RBPJ: variants seen among roughly 807,000 people sequenced by gnomAD.
The protein encoded by RBPJ is recombination signal binding protein for immunoglobulin kappa J region, also known as recombining binding protein suppressor of hairless.
A neutral mutation model predicts 67.8 loss-of-function variants in RBPJ; 9 were observed. The ratio of observed to expected loss-of-function variants is 0.13; its 90% CI spans 0.08 to 0.23. RBPJ has a LOEUF of 0.23. RBPJ is among the 10% of genes least tolerant of loss of function. The pLI, the probability that RBPJ is intolerant of heterozygous loss-of-function variation, is 1.00. For synonymous variants in RBPJ, 198 were observed against 203.3 expected (o/e 0.97, Z 0.22); for missense variants, 305 against 595.6 (o/e 0.51, Z 5.08).
At chr4:26,417,660 A>C (rs1390406018) in intron 4 of RBPJ, among the ~76,000 whole-genome samples, 2 of 152,184 alleles carry the variant, frequency 1.3e-5, no homozygotes, top group Non-Finnish European at 2.9e-5. Context: ...ATGTGCTTAG[A>C]GCATAAAGGT....
At chr4:26,249,779 CTT>C (rs572993839) in intron 1 of RBPJ, among the ~76,000 whole-genome samples, 3 of 143,212 alleles carry the variant, frequency 2.1e-5, no homozygotes, top group African/African-American at 7.7e-5. Context: ...AGAACTTTCT[CTT>C]TTTTTTTTTC....
At chr4:26,345,103 A>G (rs1725996295) in intron 1 of RBPJ, among the ~76,000 whole-genome samples, 1 of 152,234 alleles carries the variant, frequency 6.6e-6, no homozygotes, top group Non-Finnish European at 1.5e-5. Flanking sequence ...CACATTAAAA[A>G]TAACCATTTT....
chr4:26,162,741 T>C (rs1196860813), upstream of RBPJ, among the ~76,000 whole-genome samples: 1 of 152,228 alleles, frequency 6.6e-6, no homozygotes, highest in African/African-American at 2.4e-5. Context: ...CATCCCATGC[T>C]GCACAGTTCA....
At chr4:26,374,622 C>G (rs369697475) in intron 1 of RBPJ, among the ~76,000 whole-genome samples, 1 of 151,908 alleles carries the variant, frequency 6.6e-6, no homozygotes, top group African/African-American at 2.4e-5. Flanking sequence ...ACTACAGGTG[C>G]GCACCACCAT....
At chr4:26,200,551 G>T (rs1258028966) in intron 1 of RBPJ, among the ~76,000 whole-genome samples, 4 of 152,008 alleles carry the variant, frequency 2.6e-5, no homozygotes, top group African/African-American at 4.8e-5. Flanking sequence ...CATACCTGTG[G>T]TCCCAGCTAC....
the RBPJ span, among the ~76,000 whole-genome samples, chr4:26,148,995 C>G: frequency 6.6e-6 from 1 of 152,218 alleles, no homozygotes; most frequent in East Asian, 1.9e-4. Flanking sequence ...ATATATTTCT[C>G]TACTGGGAGT....
At position 26,214,821 on chromosome 4, in the gene RBPJ, A is replaced by G. The variant is rs1420013227; in HGVS notation, c.-167+51207A>G. 1.0e-3 allele frequency among the ~76,000 whole-genome samples: 139 copies of G among 139,512 alleles called. 1 individual carries two copies. The highest frequency in any genetic ancestry group is 3.4e-3 in the African/African-American group (129 of 37,412). The allele number at this position is 139,512 out of a possible 152,430, so 91.5% of individuals were successfully genotyped here. On this transcript the variant is annotated intron_variant, in intron 1 of 4. Transcript: ENST00000512351. ...AAGGAAGGGAAAAGAGAGAGAGAGA[A>G]AAGAGAAAGAAAGGAAGGAAGGGAG... is the stretch of plus-strand genomic sequence containing the variant.
upstream of RBPJ, among the ~76,000 whole-genome samples, chr4:26,316,595 A>AATATATATATATACACATATTG (rs200472663): frequency 1.2e-4 from 15 of 121,492 alleles, no homozygotes; most frequent in African/African-American, 5.4e-4. Flanking sequence ...TCATATATAT[A>AATATATATATATACACATATTG]ATATATATAT....
At chr4:26,141,242 G>T in the RBPJ span, among the ~76,000 whole-genome samples, 1 of 152,250 alleles carries the variant, frequency 6.6e-6, no homozygotes, top group Non-Finnish European at 1.5e-5. Flanking sequence ...TTATTCATGC[G>T]TGGATGTTCC....
chr4:26,109,458 C>CTATATATATA, the RBPJ span, among the ~76,000 whole-genome samples: 1 of 14,384 alleles, frequency 7.0e-5, no homozygotes, highest in Non-Finnish European at 1.3e-4. Context: ...CTCTCTCTCT[C>CTATATATATA]TCTATATATA....
At chr4:26,215,731 G>A (rs10050110) in intron 1 of RBPJ, among the ~76,000 whole-genome samples, 188 of 152,116 alleles carry the variant, frequency 1.2e-3, no homozygotes, top group African/African-American at 4.3e-3. Context: ...AGCAGAGAGC[G>A]ACACCCATAA....
At chr4:26,193,479 T>G (rs1334225020) in intron 1 of RBPJ, among the ~76,000 whole-genome samples, 2 of 152,102 alleles carry the variant, frequency 1.3e-5, no homozygotes, top group African/African-American at 4.8e-5. Context: ...CTTCTTTGTT[T>G]CGGTGTCAAT....
the RBPJ span, among the ~76,000 whole-genome samples, chr4:26,146,415 T>C: frequency 6.6e-6 from 1 of 152,176 alleles, no homozygotes; most frequent in Non-Finnish European, 1.5e-5. Flanking sequence ...TAGACTTACA[T>C]GTAACAACTA....
chr4:26,396,943 C>T (rs1732178007), intron 2 of RBPJ, among the ~76,000 whole-genome samples: 1 of 152,132 alleles, frequency 6.6e-6, no homozygotes, highest in Admixed American at 6.5e-5. Context: ...GCACCAGGAC[C>T]TTGTTGACTA....
At chr4:26,155,826 A>G in the RBPJ span, among the ~76,000 whole-genome samples, 4 of 152,206 alleles carry the variant, frequency 2.6e-5, no homozygotes, top group Admixed American at 2.6e-4. Flanking sequence ...CAGTGAAGGT[A>G]CAGAGGAGAG....
chr4:26,312,103 A>G (rs1452208240), intron 1 of RBPJ, among the ~76,000 whole-genome samples: 2 of 152,048 alleles, frequency 1.3e-5, no homozygotes, highest in African/African-American at 4.8e-5. Flanking sequence ...TCTGAGGACC[A>G]CAGCTCTACC....
At chr4:26,241,178 CAG>C (rs1197379575) in intron 1 of RBPJ, among the ~76,000 whole-genome samples, 4 of 146,608 alleles carry the variant, frequency 2.7e-5, no homozygotes, top group Non-Finnish European at 6.0e-5. Context: ...GCCTGGGCGA[CAG>C]AGCAAGACCC....
chr4:26,370,374 T>G (rs928118100), intron 1 of RBPJ, among the ~76,000 whole-genome samples: 1 of 152,250 alleles, frequency 6.6e-6, no homozygotes, highest in Admixed American at 6.5e-5. Context: ...TGTTAACTAA[T>G]AACATTATGT....
chr4:26,146,133 G>C, the RBPJ span, among the ~76,000 whole-genome samples: 1 of 152,098 alleles, frequency 6.6e-6, no homozygotes, highest in African/African-American at 2.4e-5. Flanking sequence ...TTTTTGTAGA[G>C]GTAGGGTTTT....
Sources: allele counts gnomAD v4.1 joint callset (sites outside exome capture counted in the v4.1 genomes callset), GRCh38; gene constraint gnomAD v4.1.1; transcripts MANE v1.5; gene names NCBI Gene and HGNC (gene_info 2026-07-23, HGNC 2026-07-21).